TRABD2B: variants seen among roughly 807,000 people sequenced by gnomAD.
TRABD2B encodes metalloprotease TIKI2.
Under a neutral mutation model 40.1 loss-of-function variants are expected in TRABD2B, and 14 were observed. That is an observed-to-expected ratio of 0.35 (90% CI 0.23 to 0.55). The LOEUF is 0.55. TRABD2B is among the 20% of genes least tolerant of loss of function. The pLI is 0.90. For synonymous variants in TRABD2B, 263 were observed against 277.0 expected, an observed-to-expected ratio of 0.95 and a Z score of 0.50; for missense variants, 541 against 648.6, an observed-to-expected ratio of 0.83 and a Z score of 1.80.
At chr1:47,872,216 C>G (rs1644152241) in intron 2 of TRABD2B, among the ~76,000 whole-genome samples, 1 of 152,186 alleles carries the variant, frequency 6.6e-6, no homozygotes. Flanking sequence ...CTAATTCACT[C>G]CAGTCCCTCT....
In TRABD2B at chr1:47,786,591, G is replaced by A. The variant is rs11808322; in HGVS notation, c.988+7995C>T. Among the ~76,000 whole-genome samples the A allele has an allele frequency of 1.5e-3, 232 of 152,346 alleles. 1 individual carries two copies. Among genetic ancestry groups the A allele is most frequent in the African/African-American group, 5.4e-3 (223 of 41,578 alleles). Reference sequence around the variant, plus strand: ...GGGTGGCAGGACCCTTTGAAGCACCGTTGGAAATTCTGAAACACTTCAGAT... The same window carrying A: ...GGGTGGCAGGACCCTTTGAAGCACCATTGGAAATTCTGAAACACTTCAGAT... On this transcript the variant is annotated intron_variant, in intron 4 of 6. Transcript: ENST00000606738.
intron 4 of TRABD2B, among the ~76,000 whole-genome samples, chr1:47,781,929 T>C (rs912773846): frequency 6.6e-6 from 1 of 152,218 alleles, no homozygotes; most frequent in Non-Finnish European, 1.5e-5. Context: ...CTCTCTGTAC[T>C]TCTCTCACTG....
rs1644424492 is a variant in TRABD2B at position 47,775,034 on chromosome 1, T to C, written c.1349+136A>G. 6.3e-6 allele frequency: 5 copies of C among 791,640 alleles called. No homozygotes were observed. In the East Asian group the frequency reaches 1.7e-4, roughly 27 times the overall value. The allele number at this position is 791,640 out of a possible 1,614,324, so 49.0% of individuals were successfully genotyped here. On this transcript the variant is annotated intron_variant, in intron 6 of 6. Transcript: ENST00000606738. ...ACTGAAAAATCAGATGGGAACGTGC[T>C]GTAGAAAGCCACCTGCCACACTTCC...
In TRABD2B at chr1:47,871,244, G is replaced by A. The variant is rs577950297; in HGVS notation, c.667-69625C>T. 2.6e-5 allele frequency among the ~76,000 whole-genome samples: 4 copies of A among 152,236 alleles called. No homozygotes were observed. In the South Asian group the frequency reaches 8.3e-4, roughly 32 times the overall value. On this transcript the variant is annotated intron_variant, in intron 2 of 6. Coordinates refer to ENST00000606738, the MANE Select transcript of TRABD2B (RefSeq NM_001194986.2). ...GAAGCTAGAGAGGTGGGCAGGAGCA[G>A]GAGAATGTGCTTGGGTGAACTGCAA...
At chr1:47,786,370 G>A (rs560393895) in intron 4 of TRABD2B, among the ~76,000 whole-genome samples, 3 of 152,320 alleles carry the variant, frequency 2.0e-5, no homozygotes, top group Admixed American at 1.3e-4. Context: ...CCTGGGATCT[G>A]TCCTGGGGTG....
chr1:47,993,482 G>C (rs1390721154), intron 2 of TRABD2B, among the ~76,000 whole-genome samples: 1 of 152,146 alleles, frequency 6.6e-6, no homozygotes, highest in East Asian at 1.9e-4. Flanking sequence ...TTAGCGAGGC[G>C]GTCCGAGGGT....
At chr1:47,768,051 C>T (rs578123009) in intron 6 of TRABD2B, among the ~76,000 whole-genome samples, 33 of 152,284 alleles carry the variant, frequency 2.2e-4, no homozygotes, top group South Asian at 1.4e-3. Context: ...GGTGTCCAAA[C>T]GGCCTCTGGC....
intron 4 of TRABD2B, 133 bp from the exon 5 acceptor site, chr1:47,778,677 G>T (rs1569903994): frequency 7.3e-6 from 5 of 682,554 alleles, no homozygotes; most frequent in Non-Finnish European, 1.0e-5. Context: ...GATTCCCTGA[G>T]AGGCAGTATA....
chr1:47,826,736 G>C (rs1362137880), intron 2 of TRABD2B, among the ~76,000 whole-genome samples: 10 of 152,146 alleles, frequency 6.6e-5, no homozygotes, highest in Admixed American at 6.6e-4. Flanking sequence ...ATCATGCCTG[G>C]CTAATTTTTA....
chr1:47,896,570 G>A (rs144162001), intron 2 of TRABD2B, among the ~76,000 whole-genome samples: 70 of 152,316 alleles, frequency 4.6e-4, no homozygotes, highest in African/African-American at 1.4e-3. Flanking sequence ...ATGTTGTAGC[G>A]AGAGTGGGCA....
chr1:47,815,811 A>G (rs1277572280), intron 2 of TRABD2B, among the ~76,000 whole-genome samples: 2 of 39,306 alleles, frequency 5.1e-5, no homozygotes, highest in Non-Finnish European at 1.8e-4. Context: ...ATAGATAGAT[A>G]GATAGATAGA....
At chr1:47,990,774 TA>T (rs1645994113) in intron 2 of TRABD2B, among the ~76,000 whole-genome samples, 2 of 3,136 alleles carry the variant, frequency 6.4e-4, no homozygotes, top group African/African-American at 1.1e-3. Context: ...GTTGGTTTTA[TA>T]TATATATATA....
intron 2 of TRABD2B, among the ~76,000 whole-genome samples, chr1:47,815,425 G>T (rs559491369): frequency 6.6e-6 from 1 of 152,148 alleles, no homozygotes; most frequent in Non-Finnish European, 1.5e-5. Context: ...TGGGCAGAGG[G>T]AGGACTGCTC....
At position 47,861,717 on chromosome 1, in the gene TRABD2B, C is replaced by A. The variant is rs143365836; in HGVS notation, c.667-60098G>T. On this transcript the variant is annotated intron_variant, in intron 2 of 6. Coordinates refer to ENST00000606738, the MANE Select transcript of TRABD2B (RefSeq NM_001194986.2). ...AAAGAGATTATACCAAGTCTCTAAA[C>A]CTCCTTCAGAACACAGAAGCAGGGG... 8.6e-3 allele frequency among the ~76,000 whole-genome samples: 1,308 copies of A among 152,302 alleles called. 8 individuals carry two copies. Among genetic ancestry groups the A allele is most frequent in the Middle Eastern group, 0.037 (11 of 294 alleles).
chr1:47,970,725 C>G (rs1279645133), intron 2 of TRABD2B, among the ~76,000 whole-genome samples: 2 of 152,154 alleles, frequency 1.3e-5, no homozygotes, highest in Non-Finnish European at 2.9e-5. Context: ...GGGGGTGACT[C>G]TTCATTGTGG....
At position 47,826,678 on chromosome 1, in the gene TRABD2B, ATCC is replaced by A. The variant is rs1433147589; in HGVS notation, c.667-25062_667-25060del. Among the ~76,000 whole-genome samples, 4 of 152,066 alleles carry A rather than the reference ATCC, an allele frequency of 2.6e-5. No homozygotes were observed. In the East Asian group the frequency reaches 7.7e-4, roughly 29 times the overall value. ...AGCCTCAAACTCCTGGGCTCAAGCAATCCTCCTGCTTCAGCCTCCCGAATAGCT... is the reference window on the plus strand; with the variant it reads ...AGCCTCAAACTCCTGGGCTCAAGCAATCCTGCTTCAGCCTCCCGAATAGCT... On this transcript the variant is annotated intron_variant, in intron 2 of 6. Transcript: ENST00000606738.
At chr1:47,812,362 C>G (rs1348198864) in intron 2 of TRABD2B, among the ~76,000 whole-genome samples, 2 of 152,120 alleles carry the variant, frequency 1.3e-5, no homozygotes, top group African/African-American at 4.8e-5. Context: ...GGTTTCTGAC[C>G]CAGCCTGGGA....
At chr1:47,801,170 G>C (rs1644818069) in intron 3 of TRABD2B, among the ~76,000 whole-genome samples, 1 of 152,158 alleles carries the variant, frequency 6.6e-6, no homozygotes, top group Non-Finnish European at 1.5e-5. Flanking sequence ...AATTTCCCCA[G>C]ATGTAGAACT....
At chr1:47,778,391 C>A in intron 5 of TRABD2B, 63 bp downstream of exon 5, 1 of 1,252,292 alleles carries the variant, frequency 8.0e-7, no homozygotes, top group South Asian at 1.3e-5. Flanking sequence ...TCACAGCTCT[C>A]CTGAAAGCCT....
Sources: gnomAD v4.1 joint callset for allele counts (sites outside exome capture counted in the v4.1 genomes callset) on GRCh38, gnomAD v4.1.1 for gene constraint, MANE v1.5 for transcripts, NCBI Gene and HGNC (gene_info 2026-07-23, HGNC 2026-07-21) for gene names.